The following EDIL3 variants were observed in gnomAD, a reference collection of about 807,000 sequenced individuals.
EDIL3 encodes EGF like and discoidin domains 3, also known as EGF-like repeat and discoidin I-like domain-containing protein 3.
A neutral mutation model predicts 67.4 loss-of-function variants in EDIL3; 37 were observed. That is an observed-to-expected ratio of 0.55 (90% CI 0.42 to 0.72). EDIL3 has a LOEUF of 0.72. EDIL3 is among the 30% of genes least tolerant of loss of function. The probability of loss-of-function intolerance (pLI) is 0.00; values close to 1 mark genes in which losing one functional copy is unlikely to be tolerated. For missense variants in EDIL3, 527 were observed against 586.3 expected (o/e 0.90, Z 1.04); for synonymous variants, 195 against 196.3 (o/e 0.99, Z 0.05).
intron 1 of EDIL3, among the ~76,000 whole-genome samples, chr5:84,360,126 G>A (rs1233838536): frequency 6.6e-6 from 1 of 152,102 alleles, no homozygotes; most frequent in Non-Finnish European, 1.5e-5. Context: ...ACTACCGAGT[G>A]GGAGCAGCTC....
At chr5:84,290,825 C>A (rs1003272333) in intron 1 of EDIL3, among the ~76,000 whole-genome samples, 1 of 152,084 alleles carries the variant, frequency 6.6e-6, no homozygotes, top group Non-Finnish European at 1.5e-5. Flanking sequence ...TATTAATCTG[C>A]CTTATGTCAA....
intron 9 of EDIL3, among the ~76,000 whole-genome samples, chr5:84,031,824 ACACAAAAG>A (rs1162802347): frequency 6.6e-6 from 1 of 152,246 alleles, no homozygotes; most frequent in Non-Finnish European, 1.5e-5. Flanking sequence ...ACTAAAAATG[ACACAAAAG>A]CTTTTTTAAT....
intron 1 of EDIL3, among the ~76,000 whole-genome samples, chr5:84,365,148 A>G (rs918114044): frequency 2.0e-5 from 3 of 152,102 alleles, no homozygotes; most frequent in Non-Finnish European, 4.4e-5. Context: ...TTTGAGGTAT[A>G]TATGATATTT....
In EDIL3 at chr5:84,224,695, C is replaced by T. The variant is rs145699097; in HGVS notation, c.226+5160G>A. On this transcript the variant is annotated intron_variant, in intron 3 of 10. Coordinates refer to ENST00000296591, the MANE Select transcript of EDIL3 (RefSeq NM_005711.5). ...GTATTTCATACCCCCTCACATTCTTCATATTTGCAAAGCTTTGTTTTTAAA... is the reference window on the plus strand; with the variant it reads ...GTATTTCATACCCCCTCACATTCTTTATATTTGCAAAGCTTTGTTTTTAAA... Among the ~76,000 whole-genome samples, 2 of 151,512 alleles carry T rather than the reference C, an allele frequency of 1.3e-5. 1 individual carries two copies. Among genetic ancestry groups the T allele is most frequent in the African/African-American group, 4.8e-5 (2 of 41,488 alleles).
intron 1 of EDIL3, among the ~76,000 whole-genome samples, chr5:84,284,840 A>G (rs766746154): frequency 5.3e-5 from 8 of 152,140 alleles, no homozygotes; most frequent in South Asian, 2.1e-4. Flanking sequence ...AGAAAATTCT[A>G]TCCCATTACT....
At chr5:84,279,808 T>C (rs1194955518) in intron 1 of EDIL3, among the ~76,000 whole-genome samples, 1 of 152,162 alleles carries the variant, frequency 6.6e-6, no homozygotes, top group Non-Finnish European at 1.5e-5. Flanking sequence ...TCCAAAATTG[T>C]TTGATCATTT....
chr5:84,020,824 G>A (rs1420554734), intron 9 of EDIL3, among the ~76,000 whole-genome samples: 1 of 151,910 alleles, frequency 6.6e-6, no homozygotes, highest in East Asian at 1.9e-4. Flanking sequence ...AACTGAAAAG[G>A]CTACAAAAGT....
chr5:83,948,264 CTGACATA>C (rs1205916666), intron 10 of EDIL3, among the ~76,000 whole-genome samples: 1 of 151,566 alleles, frequency 6.6e-6, no homozygotes. Flanking sequence ...ATTTTTGTGG[CTGACATA>C]AGGGACAGAT....
intron 1 of EDIL3, among the ~76,000 whole-genome samples, chr5:84,356,943 T>C (rs1347018509): frequency 6.7e-6 from 1 of 148,426 alleles, no homozygotes; most frequent in Non-Finnish European, 1.5e-5. Flanking sequence ...CTTTTCTTTT[T>C]TTTTTAAACA....
chr5:84,240,223 T>C (rs1222618490), intron 2 of EDIL3, among the ~76,000 whole-genome samples: 1 of 152,170 alleles, frequency 6.6e-6, no homozygotes, highest in Non-Finnish European at 1.5e-5. Flanking sequence ...AAATGTACAA[T>C]TTAAACAATG....
chr5:84,117,529 T>C (rs1243411459), intron 5 of EDIL3, among the ~76,000 whole-genome samples: 1 of 151,892 alleles, frequency 6.6e-6, no homozygotes, highest in African/African-American at 2.4e-5. Flanking sequence ...ATTATTGCTA[T>C]AGAGTTTGGC....
intron 8 of EDIL3, among the ~76,000 whole-genome samples, chr5:84,062,461 C>T (rs1746564228): frequency 6.6e-6 from 1 of 152,072 alleles, no homozygotes; most frequent in Non-Finnish European, 1.5e-5. Context: ...AATGGCTTTA[C>T]TTTGACCACT....
intron 6 of EDIL3, among the ~76,000 whole-genome samples, chr5:84,066,892 T>C (rs559385682): frequency 6.6e-6 from 1 of 152,336 alleles, no homozygotes; most frequent in East Asian, 1.9e-4. Context: ...GTTCTCACGA[T>C]ATGCAGATGT....
At chr5:84,244,738 T>TTTCTTTGTCCACTTACCCTAAGCC (rs1744873016) in intron 2 of EDIL3, among the ~76,000 whole-genome samples, 1 of 152,206 alleles carries the variant, frequency 6.6e-6, no homozygotes, top group Non-Finnish European at 1.5e-5. Flanking sequence ...TACCCTAAGC[T>TTTCTTTGTCCACTTACCCTAAGCC]TTCTTTGTCC....
intron 2 of EDIL3, among the ~76,000 whole-genome samples, chr5:84,236,130 G>C (rs920334684): frequency 1.3e-5 from 2 of 151,964 alleles, no homozygotes; most frequent in African/African-American, 4.8e-5. Context: ...AGGTATAAAT[G>C]AGAAAAATAA....
chr5:84,014,197 C>G (rs773808541), intron 9 of EDIL3, among the ~76,000 whole-genome samples: 26 of 152,146 alleles, frequency 1.7e-4, no homozygotes, highest in South Asian at 4.1e-4. Flanking sequence ...TAGTCACATA[C>G]CGCTGATTCT....
intron 1 of EDIL3, among the ~76,000 whole-genome samples, chr5:84,341,694 G>GA (rs1334687943): frequency 1.4e-5 from 2 of 144,872 alleles, no homozygotes; most frequent in African/African-American, 2.5e-5. Flanking sequence ...GGCTAAACCT[G>GA]AAAATCTGTC....
intron 9 of EDIL3, among the ~76,000 whole-genome samples, chr5:84,010,412 C>G (rs1024185168): frequency 6.6e-6 from 1 of 152,134 alleles, no homozygotes. Context: ...CTGTGCAAGG[C>G]TGCTAATTTT....
chr5:83,987,844 C>T (rs922861975), intron 9 of EDIL3, among the ~76,000 whole-genome samples: 1 of 130,010 alleles, frequency 7.7e-6, no homozygotes, highest in Non-Finnish European at 1.5e-5. Flanking sequence ...AATCATTTTG[C>T]AGCTGATAGG....
Sources: gnomAD v4.1 joint callset for allele counts (sites outside exome capture counted in the v4.1 genomes callset) on GRCh38, gnomAD v4.1.1 for gene constraint, MANE v1.5 for transcripts, NCBI Gene and HGNC (gene_info 2026-07-23, HGNC 2026-07-21) for gene names.